CACNB2: variants seen among roughly 807,000 people sequenced by gnomAD.
The protein encoded by CACNB2 is voltage-dependent L-type calcium channel subunit beta-2.
A neutral mutation model predicts 73.3 loss-of-function variants in CACNB2; 42 were observed. That is an observed-to-expected ratio of 0.57 (90% CI 0.45 to 0.74). The LOEUF (loss-of-function observed/expected upper bound fraction) is 0.74. CACNB2 is among the 30% of genes least tolerant of loss of function. CACNB2 has a pLI of 0.00. For synonymous variants in CACNB2, 348 were observed against 310.3 expected, an observed-to-expected ratio of 1.12 and a Z score of -1.28; for missense variants, 940 against 853.0, an observed-to-expected ratio of 1.10 and a Z score of -1.27.
Position 18,140,684 on chromosome 10 carries a change from A to T in CACNB2, c.-53A>T. ...GCGCGGGGAGGCGGGGGCGAGGAGG[A>T]GGGGACCCGCCGCCGGGGGCTGGCT... On this transcript the variant is annotated 5_prime_UTR_variant, in exon 1 of 14. Transcript: ENST00000324631. 1 of 1,498,780 alleles carries T rather than the reference A, an allele frequency of 6.7e-7. No individual in the cohort carries two copies. The highest frequency in any genetic ancestry group is 1.4e-5 in the African/African-American group (1 of 72,884). The allele number at this position is 1,498,780 out of a possible 1,614,324, so 92.8% of individuals were successfully genotyped here.
intron 2 of CACNB2, among the ~76,000 whole-genome samples, chr10:18,211,647 A>G (rs2035321592): frequency 6.6e-6 from 1 of 152,156 alleles, no homozygotes; most frequent in African/African-American, 2.4e-5. Context: ...GTTTTCCTGT[A>G]AGATGTATTT....
chr10:18,504,706 G>T (rs992128687), intron 5 of CACNB2, among the ~76,000 whole-genome samples: 3 of 152,000 alleles, frequency 2.0e-5, no homozygotes, highest in Admixed American at 6.6e-5. Flanking sequence ...GTGCAGTGGC[G>T]CAGTCTCGAC....
chr10:18,272,435 G>A (rs192156845), intron 2 of CACNB2, among the ~76,000 whole-genome samples: 21 of 152,122 alleles, frequency 1.4e-4, no homozygotes, highest in African/African-American at 2.9e-4. Context: ...AATATAATTC[G>A]GTGGTACATA....
chr10:18,421,653 A>C (rs1187679832), intron 3 of CACNB2, among the ~76,000 whole-genome samples: 1 of 152,128 alleles, frequency 6.6e-6, no homozygotes, highest in African/African-American at 2.4e-5. Context: ...CTGGCTCATG[A>C]ATATCTTTGA....
intron 3 of CACNB2, among the ~76,000 whole-genome samples, chr10:18,479,268 C>A (rs1489251556): frequency 6.6e-6 from 1 of 152,060 alleles, no homozygotes; most frequent in Non-Finnish European, 1.5e-5. Flanking sequence ...CTTCCTGACA[C>A]CCATTCCCTG....
intron 3 of CACNB2, among the ~76,000 whole-genome samples, chr10:18,424,410 G>C (rs76909702): frequency 0.016 from 2,502 of 152,128 alleles, 82 homozygotes; most frequent in South Asian, 0.12. Flanking sequence ...AGTAATCATT[G>C]GGTCATTGCC....
At chr10:18,234,338 C>T (rs2036344398) in intron 2 of CACNB2, 1 of 152,100 alleles carries the variant, frequency 6.6e-6, no homozygotes, top group Admixed American at 6.6e-5. Context: ...TATGGCAGTT[C>T]CTCAGCATAT....
At chr10:18,361,065 CT>C in intron 2 of CACNB2, among the ~76,000 whole-genome samples, 1 of 152,180 alleles carries the variant, frequency 6.6e-6, no homozygotes, top group East Asian at 1.9e-4. Flanking sequence ...TCTTCTCTGA[CT>C]TTTCCCCCAT....
intron 3 of CACNB2, among the ~76,000 whole-genome samples, chr10:18,463,213 TCTC>T (rs1213370071): frequency 2.4e-4 from 37 of 152,094 alleles, no homozygotes; most frequent in Non-Finnish European, 1.0e-4. Flanking sequence ...AAGAAGCATC[TCTC>T]CTCCTGTCAG....
At chr10:18,366,339 C>T (rs113902423) in intron 2 of CACNB2, among the ~76,000 whole-genome samples, 1 of 151,740 alleles carries the variant, frequency 6.6e-6, no homozygotes, top group Non-Finnish European at 1.5e-5. Flanking sequence ...GTGGCGGGCA[C>T]CTGTAATCCT....
chr10:18,393,169 A>T (rs983162713), intron 2 of CACNB2, among the ~76,000 whole-genome samples: 20 of 143,140 alleles, frequency 1.4e-4, no homozygotes, highest in Non-Finnish European at 2.9e-4. Flanking sequence ...GGATCGCCCC[A>T]TTGTACTCCA....
rs571737103 is a variant in CACNB2, at chr10:18,294,865, T to G, written c.214-107059T>G. ...TGGGGGATTCCAAGACAGTCCTCAATTCCTCTGTTCAAATCCCCAGAGAAT... is the reference window on the plus strand; with the variant it reads ...TGGGGGATTCCAAGACAGTCCTCAAGTCCTCTGTTCAAATCCCCAGAGAAT... On this transcript the variant is annotated intron_variant, in intron 2 of 13. Coordinates refer to ENST00000324631, the MANE Select transcript of CACNB2 (RefSeq NM_201596.3). Among the ~76,000 whole-genome samples the G allele has an allele frequency of 2.4e-4, 36 of 152,336 alleles. No homozygotes were observed. In the South Asian group the frequency reaches 2.5e-3, roughly 11 times the overall value.
intron 2 of CACNB2, among the ~76,000 whole-genome samples, chr10:18,203,186 G>C (rs1176659449): frequency 6.6e-6 from 1 of 152,110 alleles, no homozygotes; most frequent in Non-Finnish European, 1.5e-5. Flanking sequence ...CTGTATTCTG[G>C]TCAGCCAGCT....
chr10:18,221,819 C>T (rs982651984), intron 2 of CACNB2, among the ~76,000 whole-genome samples: 1 of 152,116 alleles, frequency 6.6e-6, no homozygotes, highest in Non-Finnish European at 1.5e-5. Context: ...TTCTTTTTAT[C>T]CATGGAAACC....
At chr10:18,397,965 T>C (rs188889303) in intron 2 of CACNB2, among the ~76,000 whole-genome samples, 10 of 152,178 alleles carry the variant, frequency 6.6e-5, no homozygotes, top group African/African-American at 2.2e-4. Flanking sequence ...AGCTGAAATG[T>C]GATGCACTGA....
At chr10:18,260,544 G>T (rs1340436233) in intron 2 of CACNB2, 1 of 985,696 alleles carries the variant, frequency 1.0e-6, no homozygotes, top group Admixed American at 6.1e-5. Flanking sequence ...AATACCTACT[G>T]CAGGACAAAG....
intron 2 of CACNB2, among the ~76,000 whole-genome samples, chr10:18,253,084 A>G (rs139891496): frequency 3.4e-4 from 52 of 152,364 alleles, no homozygotes; most frequent in Non-Finnish European, 4.7e-4. Context: ...TTGACTTCAC[A>G]GTGCCTCAAT....
chr10:18,467,356 G>C lies in CACNB2; in HGVS notation c.334-30999G>C, dbSNP rs151144178. 2.1e-3 allele frequency among the ~76,000 whole-genome samples: 326 copies of C among 152,322 alleles called. 1 individual carries two copies. Among genetic ancestry groups the C allele is most frequent in the African/African-American group, 7.6e-3 (315 of 41,568 alleles). ...ATTGGCAATTTCACACTTGAAGACT[G>C]TCTGTGTTCCCAGAGAGTGTTAAGT... On this transcript the variant is annotated intron_variant, in intron 3 of 13. Coordinates refer to ENST00000324631, the MANE Select transcript of CACNB2 (RefSeq NM_201596.3).
chr10:18,372,517 C>T (rs2042630887), intron 2 of CACNB2, among the ~76,000 whole-genome samples: 1 of 152,120 alleles, frequency 6.6e-6, no homozygotes, highest in South Asian at 2.1e-4. Flanking sequence ...AGTGATTCTC[C>T]TGCTTCAGCC....
Sources: allele counts gnomAD v4.1 joint callset (sites outside exome capture counted in the v4.1 genomes callset), GRCh38; gene constraint gnomAD v4.1.1; transcripts MANE v1.5; gene names NCBI Gene and HGNC (gene_info 2026-07-23, HGNC 2026-07-21).